Variants in SLC16A10 observed in about 807,000 individuals in gnomAD.
SLC16A10 encodes solute carrier family 16 member 10.
In SLC16A10, 27 loss-of-function variants were observed where a neutral mutation model predicts 40.0. The observed-to-expected ratio is 0.67, with a 90% CI of 0.50 to 0.93. SLC16A10 has a LOEUF of 0.93. SLC16A10 is among the 40% of genes least tolerant of loss of function. The pLI is 0.00. For synonymous variants in SLC16A10, 213 were observed against 249.8 expected (o/e 0.85, Z 1.39); for missense variants, 529 against 658.2 (o/e 0.80, Z 2.15).
Position 111,087,700 on chromosome 6 carries a change from G to T in SLC16A10, c.-53G>T. 1 of 1,048,066 alleles carries T rather than the reference G, an allele frequency of 9.5e-7. No homozygotes were observed. The highest frequency in any genetic ancestry group is 4.8e-5 in the South Asian group (1 of 20,894). The allele number at this position is 1,048,066 out of a possible 1,614,324, so 64.9% of individuals were successfully genotyped here. ...CCCGCAGCTCCTCCGGGAGCCCGCT[G>T]GTAACTCGCGTCCCTCGCGCTTCTC... On this transcript the variant is annotated 5_prime_UTR_variant, in exon 1 of 6. Transcript: ENST00000368851.
At chr6:111,201,317 G>A (rs1410408667) in intron 3 of SLC16A10, among the ~76,000 whole-genome samples, 1 of 152,176 alleles carries the variant, frequency 6.6e-6, no homozygotes, top group Non-Finnish European at 1.5e-5. Context: ...TAGAGGGGTT[G>A]TTTTGCTCAG....
intron 3 of SLC16A10, among the ~76,000 whole-genome samples, chr6:111,186,719 A>G (rs1411395015): frequency 1.3e-5 from 2 of 152,168 alleles, no homozygotes; most frequent in Non-Finnish European, 2.9e-5. Context: ...GGGGCTGTAC[A>G]TTGCTGATGT....
Position 111,223,592 on chromosome 6 carries a change from A to G in SLC16A10, c.*1357A>G, listed in dbSNP as rs534317361. Reference sequence around the variant, plus strand: ...ACCACTTCTAATAGTGTCATATTTCATATTCAGGGGACTTAGATAATTTGC... The same window carrying G: ...ACCACTTCTAATAGTGTCATATTTCGTATTCAGGGGACTTAGATAATTTGC... On this transcript the variant is annotated 3_prime_UTR_variant, in exon 6 of 6. Transcript: ENST00000368851. 2 of 152,304 alleles carry G rather than the reference A, an allele frequency of 1.3e-5. No individual in the cohort carries two copies. Among genetic ancestry groups the G allele is most frequent in the African/African-American group, 2.4e-5 (1 of 41,558 alleles). 9.4% of individuals were successfully genotyped at this position (152,304 alleles called of 1,614,324 possible). A position where few individuals can be genotyped will look rare whatever the true frequency, so the allele number is the denominator to read the frequency against.
In SLC16A10 at chr6:111,152,866, C is replaced by G. The variant is rs113417597; in HGVS notation, c.344-19829C>G. 2.6e-3 allele frequency among the ~76,000 whole-genome samples: 390 copies of G among 152,268 alleles called. 2 individuals are homozygous for G. The highest frequency in any genetic ancestry group is 8.9e-3 in the African/African-American group (369 of 41,544). ...TCATTTGATACTTTTTGTGCATCTA[C>G]TACAATTTGAAGAATAGAAGAGGGA... On this transcript the variant is annotated intron_variant, in intron 1 of 5. Coordinates refer to ENST00000368851, the MANE Select transcript of SLC16A10 (RefSeq NM_018593.5).
chr6:111,151,148 T>A lies in SLC16A10; in HGVS notation c.344-21547T>A, dbSNP rs566126862. On this transcript the variant is annotated intron_variant, in intron 1 of 5. Coordinates refer to ENST00000368851, the MANE Select transcript of SLC16A10 (RefSeq NM_018593.5). The stretch of plus-strand genomic sequence containing the variant: ...ATACAGAAATTTGGAAAGTACCCCA[T>A]GATGAGAAACTTTTGAAAGAGAATT... Among the ~76,000 whole-genome samples the A allele has an allele frequency of 7.2e-5, 11 of 152,308 alleles. No homozygotes were observed. The South Asian group carries it at 2.3e-3, about 32-fold the overall frequency.
chr6:111,143,860 A>C (rs774266284), intron 1 of SLC16A10, among the ~76,000 whole-genome samples: 5 of 152,148 alleles, frequency 3.3e-5, no homozygotes, highest in Admixed American at 6.5e-5. Context: ...ATGGTGACTC[A>C]TGTCTGTAAT....
chr6:111,092,514 C>T lies in SLC16A10; in HGVS notation c.343+4419C>T, dbSNP rs184156654. 9.4e-3 allele frequency among the ~76,000 whole-genome samples: 1,423 copies of T among 150,700 alleles called. 4 individuals are homozygous for T. Among genetic ancestry groups the T allele is most frequent in the African/African-American group, 0.017 (715 of 41,196 alleles). ...TATTTTTAGTAGAGACAGGGTTTCACCATATTGGCCAGGCTGGTCTCAAAC... is the reference window on the plus strand; with the variant it reads ...TATTTTTAGTAGAGACAGGGTTTCATCATATTGGCCAGGCTGGTCTCAAAC... On this transcript the variant is annotated intron_variant, in intron 1 of 5. Transcript: ENST00000368851.
At chr6:111,215,260 G>A (rs1773402150) in intron 4 of SLC16A10, among the ~76,000 whole-genome samples, 1 of 152,112 alleles carries the variant, frequency 6.6e-6, no homozygotes, top group Admixed American at 6.5e-5. Flanking sequence ...CTCATGTTAT[G>A]TAAATTGTTC....
At chr6:111,221,311 A>G (rs766613610) in intron 5 of SLC16A10, among the ~76,000 whole-genome samples, 1 of 152,214 alleles carries the variant, frequency 6.6e-6, no homozygotes, top group African/African-American at 2.4e-5. Flanking sequence ...TCTTCCAGGT[A>G]CTTATAAACC....
Position 111,177,558 on chromosome 6 carries a change from C to A in SLC16A10, c.835C>A (p.Pro279Thr). Residue 279 changes from proline (P) to threonine (T), a missense_variant, in exon 3 of 6, where the codon CCA becomes ACA. Coordinates refer to ENST00000368851, the MANE Select transcript of SLC16A10 (RefSeq NM_018593.5). Reference sequence around the variant, plus strand: ...CTTTTCCAGGAAAAAGTTCAGTCCTCCAAAAAAAATTTTCAATTTTGCCAT... The same window carrying A: ...CTTTTCCAGGAAAAAGTTCAGTCCTACAAAAAAAATTTTCAATTTTGCCAT... ...SLFSRKKFSPPKKIFNFAIFK... is the reference protein window; with the variant it reads ...SLFSRKKFSPTKKIFNFAIFK... 6.2e-7 allele frequency: 1 copy of A among 1,610,994 alleles called. No individual in the cohort carries two copies. Among genetic ancestry groups the A allele is most frequent in the Non-Finnish European group, 8.5e-7 (1 of 1,179,076 alleles).
At chr6:111,195,595 T>C (rs1320727775) in intron 3 of SLC16A10, among the ~76,000 whole-genome samples, 2 of 152,166 alleles carry the variant, frequency 1.3e-5, no homozygotes, top group African/African-American at 4.8e-5. Flanking sequence ...CCCACAAATT[T>C]CCAAAACAAC....
chr6:111,208,515 T>C (rs1773291279), intron 4 of SLC16A10, among the ~76,000 whole-genome samples: 1 of 151,756 alleles, frequency 6.6e-6, no homozygotes, highest in African/African-American at 2.4e-5. Flanking sequence ...GAGGCAGAGG[T>C]TACAGTGAGC....
chr6:111,128,343 C>T (rs544951991), intron 1 of SLC16A10, among the ~76,000 whole-genome samples: 10 of 152,062 alleles, frequency 6.6e-5, no homozygotes, highest in East Asian at 1.9e-4. Context: ...TTTGAGGTCC[C>T]GTAGCAGGTC....
chr6:111,175,874 A>AT (rs879492804), intron 2 of SLC16A10, among the ~76,000 whole-genome samples: 2,228 of 143,180 alleles, frequency 0.016, 55 homozygotes, highest in African/African-American at 0.047. Context: ...AATTTCAGCT[A>AT]TTTTTTTTTT....
In SLC16A10 at chr6:111,206,672, TG is replaced by T; in HGVS notation, c.1025del (p.Gly342AspfsTer15). The T allele has an allele frequency of 6.2e-7, 1 of 1,614,226 alleles. No homozygotes were observed. Among genetic ancestry groups the T allele is most frequent in the Middle Eastern group, 1.6e-4 (1 of 6,062 alleles). ...TGTGCATTGGCGTCACTTCAGGAGTTGGACGACTGCTCTTTGGCCGGATTGC... is the reference window on the plus strand; with the variant it reads ...TGTGCATTGGCGTCACTTCAGGAGTTGACGACTGCTCTTTGGCCGGATTGC... ...LMCIGVTSGV[G>X]RLLFGRIADY... On this transcript the variant is annotated frameshift_variant, in exon 4 of 6. Transcript: ENST00000368851. LOFTEE classifies it high-confidence loss of function.
intron 1 of SLC16A10, among the ~76,000 whole-genome samples, chr6:111,115,115 G>A (rs990621085): frequency 6.6e-6 from 1 of 152,156 alleles, no homozygotes; most frequent in Non-Finnish European, 1.5e-5. Flanking sequence ...TGGTGGAAGT[G>A]AGGACAGATT....
intron 1 of SLC16A10, among the ~76,000 whole-genome samples, chr6:111,138,055 TTA>T: frequency 6.6e-6 from 1 of 152,302 alleles, no homozygotes; most frequent in Middle Eastern, 3.4e-3. Context: ...TTTCACTCTA[TTA>T]AATCTTGCAA....
intron 1 of SLC16A10, among the ~76,000 whole-genome samples, chr6:111,154,036 T>G (rs1421199446): frequency 3.3e-5 from 5 of 152,168 alleles, no homozygotes. Context: ...TTCCTGGTGG[T>G]CCAGAATTTA....
intron 1 of SLC16A10, among the ~76,000 whole-genome samples, chr6:111,127,951 A>G (rs1771705386): frequency 6.6e-6 from 1 of 152,138 alleles, no homozygotes; most frequent in Admixed American, 6.5e-5. Flanking sequence ...ACATGAGTGA[A>G]CCTGCGTGGA....
Sources: gnomAD v4.1 joint callset for allele counts (sites outside exome capture counted in the v4.1 genomes callset) on GRCh38, gnomAD v4.1.1 for gene constraint, MANE v1.5 for transcripts, NCBI Gene and HGNC (gene_info 2026-07-23, HGNC 2026-07-21) for gene names.